The following LOXL4 variants were observed in gnomAD, a reference collection of about 807,000 sequenced individuals.
The protein encoded by LOXL4 is lysyl oxidase homolog 4.
In LOXL4, 72 loss-of-function variants were observed where a neutral mutation model predicts 89.1. The ratio of observed to expected loss-of-function variants is 0.81; its 90% CI spans 0.67 to 0.98. LOXL4 has a LOEUF of 0.98. Among genes scored for constraint, LOXL4 ranks in the 50% least tolerant of loss-of-function variants. LOXL4 has a pLI of 0.00. For synonymous variants in LOXL4, 355 were observed against 392.1 expected (o/e 0.91, Z 1.12); for missense variants, 984 against 1,017.5 (o/e 0.97, Z 0.45).
chr10:98,258,497 T>G (rs1476486985), intron 6 of LOXL4, among the ~76,000 whole-genome samples: 5 of 151,964 alleles, frequency 3.3e-5, no homozygotes, highest in African/African-American at 1.2e-4. Context: ...TATCTCAGTG[T>G]GGCACTAAGG....
At chr10:98,249,460 C>G (rs546643049) in intron 14 of LOXL4, among the ~76,000 whole-genome samples, 6 of 152,302 alleles carry the variant, frequency 3.9e-5, no homozygotes, top group African/African-American at 1.4e-4. Flanking sequence ...CTAGGTTCAC[C>G]CTCCTTCACA....
Position 98,262,838 on chromosome 10 carries a change from T to C in LOXL4, c.182A>G (p.Asn61Ser), listed in dbSNP as rs1317977540. The C allele has an allele frequency of 6.2e-7, 1 of 1,613,610 alleles. No individual in the cohort carries two copies. The highest frequency in any genetic ancestry group is 1.3e-5 in the African/African-American group (1 of 74,932). ...QGQWGTVCDD[N>S]FAIQEATVAC... is the part of the protein sequence containing the mutation. ...CACTGTGGCCTCCTGGATAGCAAAGTTGTCATCACACACGGTGCCCCACTG... is the reference window on the plus strand; with the variant it reads ...CACTGTGGCCTCCTGGATAGCAAAGCTGTCATCACACACGGTGCCCCACTG... The change falls in exon 2 of 15, where the codon AAC becomes AGC. Residue 61 changes from asparagine to serine, a missense_variant. By Grantham distance (46) the Asn-to-Ser change is conservative. Coordinates refer to ENST00000260702, the MANE Select transcript of LOXL4 (RefSeq NM_032211.7).
At chr10:98,251,357 T>A (rs7082202) in intron 13 of LOXL4, among the ~76,000 whole-genome samples, 181 bp from the exon 14 acceptor site, 27,474 of 152,274 alleles carry the variant, frequency 0.18, 2,649 homozygotes, top group Non-Finnish European at 0.2. Context: ...ACTGAGAAAC[T>A]GATTTATCCA....
intron 1 of LOXL4, among the ~76,000 whole-genome samples, chr10:98,267,752 G>A (rs147027363): frequency 7.2e-5 from 11 of 152,304 alleles, no homozygotes; most frequent in African/African-American, 2.4e-4. Flanking sequence ...GCCCAGATCA[G>A]CCCTGGTTCG....
chr10:98,251,605 C>G lies in LOXL4; in HGVS notation c.2049G>C (p.Val683=). The change falls in exon 13 of 15, where the codon GTG becomes GTC. Residue 683 remains valine (V), a synonymous_variant. Transcript: ENST00000260702. ...TCCCGGGGCCCACATCTGTGATATC[C>G]ACCCACTGGCAATCAATGTCATGCC... The part of the protein sequence containing the change: ...TYRHDIDCQW[V]DITDVGPGNY... The G allele has an allele frequency of 1.2e-6, 2 of 1,614,262 alleles. No individual in the cohort carries two copies. The highest frequency in any genetic ancestry group is 1.7e-6 in the Non-Finnish European group (2 of 1,180,052).
chr10:98,258,898 C>A (rs1456663586), intron 6 of LOXL4, 111 bp downstream of exon 6: 6 of 742,020 alleles, frequency 8.1e-6, no homozygotes, highest in African/African-American at 5.3e-5. Flanking sequence ...CTCCTCCTCC[C>A]AGTCTGGTTC....
intron 12 of LOXL4, 130 bp from the exon 13 acceptor site, chr10:98,251,832 T>G: frequency 8.8e-7 from 1 of 1,137,176 alleles, no homozygotes; most frequent in Non-Finnish European, 1.2e-6. Context: ...AGAATCCTGC[T>G]GTGAATCCAG....
At chr10:98,261,182 C>G (rs1858530672) in intron 3 of LOXL4, 55 bp from the exon 4 acceptor site, 2 of 1,566,584 alleles carry the variant, frequency 1.3e-6, no homozygotes, top group Admixed American at 1.7e-5. Context: ...TCCAGTGGAG[C>G]CTGCTGCAGA....
intron 10 of LOXL4, 130 bp from the exon 11 acceptor site, chr10:98,253,926 T>A: frequency 8.6e-7 from 1 of 1,168,872 alleles, no homozygotes; most frequent in Non-Finnish European, 1.2e-6. Flanking sequence ...AGGGCAGTTT[T>A]AAGAGTCAGG....
intron 14 of LOXL4, among the ~76,000 whole-genome samples, chr10:98,249,674 A>G (rs781751491): frequency 3.3e-5 from 5 of 152,134 alleles, no homozygotes; most frequent in Non-Finnish European, 5.9e-5. Flanking sequence ...TGGATCCTAA[A>G]CACTGGCAAG....
intron 2 of LOXL4, among the ~76,000 whole-genome samples, chr10:98,262,436 G>A (rs1858571460): frequency 6.6e-6 from 1 of 152,188 alleles, no homozygotes; most frequent in Admixed American, 6.5e-5. Flanking sequence ...AAAATGCCGG[G>A]TAGCTCTAGG....
intron 9 of LOXL4, 108 bp from the exon 10 acceptor site, chr10:98,255,847 C>G: frequency 7.4e-7 from 1 of 1,346,220 alleles, no homozygotes; most frequent in Admixed American, 2.3e-5. Flanking sequence ...TTGTGTCCAG[C>G]CTGGGCCTGA....
At chr10:98,267,403 T>C (rs1197592299) in intron 1 of LOXL4, among the ~76,000 whole-genome samples, 3 of 152,216 alleles carry the variant, frequency 2.0e-5, no homozygotes, top group African/African-American at 7.2e-5. Context: ...TGCTGGGACC[T>C]GGCCTGACCT....
chr10:98,253,831 G>T (rs1268126752), intron 10 of LOXL4, 35 bp from the exon 11 acceptor site: 5 of 1,611,694 alleles, frequency 3.1e-6, no homozygotes, highest in Non-Finnish European at 4.2e-6. Context: ...TGACTCAAAG[G>T]GTGGAAAGGC....
chr10:98,251,107 T>TG lies in LOXL4; in HGVS notation c.2157dup (p.Lys720GlnfsTer3), dbSNP rs1564754926. ...AGCCAGACCCGGTGCCCATCATACT[T>TG]GCAGCGGCACTGCAGCATATTGTTG... On this transcript the variant is annotated frameshift_variant, in exon 14 of 15. Coordinates refer to ENST00000260702, the MANE Select transcript of LOXL4 (RefSeq NM_032211.7). LOFTEE classifies it high-confidence loss of function. The TG allele has an allele frequency of 6.2e-7, 1 of 1,614,170 alleles. No individual in the cohort carries two copies. Among genetic ancestry groups the TG allele is most frequent in the Admixed American group, 1.7e-5 (1 of 60,014 alleles).
chr10:98,260,692 T>C (rs1465563800), intron 4 of LOXL4, among the ~76,000 whole-genome samples: 1 of 152,142 alleles, frequency 6.6e-6, no homozygotes, highest in African/African-American at 2.4e-5. Context: ...ACCTGCTGGA[T>C]GTCCTGCCAC....
Position 98,262,806 on chromosome 10 carries a change from G to T in LOXL4, c.214C>A (p.Arg72Ser), listed in dbSNP as rs775524314. The change falls in exon 2 of 15, where the codon CGC becomes AGC. Residue 72 changes from arginine (R) to serine (S), a missense_variant. Transcript: ENST00000260702. ...AAGGCAGCTTCGAAGCCCAGCTGGC[G>T]GCAAGCCACTGTGGCCTCCTGGATA... Reference protein sequence around the residue: ...FAIQEATVACRQLGFEAALTW... With the variant: ...FAIQEATVACSQLGFEAALTW... The T allele has an allele frequency of 6.2e-7, 1 of 1,613,408 alleles. No individual in the cohort carries two copies. Among genetic ancestry groups the T allele is most frequent in the African/African-American group, 1.3e-5 (1 of 75,042 alleles).
At position 98,256,769 on chromosome 10, in the gene LOXL4, G is replaced by GA; in HGVS notation, c.1428+10dup. Reference sequence around the variant, plus strand: ...GAGAGGTCATACGGAAGAAACAACAGAGGGACCTACCTTGTAGGCATGGAT... The same window carrying GA: ...GAGAGGTCATACGGAAGAAACAACAGAAGGGACCTACCTTGTAGGCATGGAT... On this transcript the variant is annotated intron_variant, in intron 9 of 14. Transcript: ENST00000260702. The GA allele has an allele frequency of 6.2e-7, 1 of 1,613,992 alleles. No individual in the cohort carries two copies. Among genetic ancestry groups the GA allele is most frequent in the Non-Finnish European group, 8.5e-7 (1 of 1,180,034 alleles).
At chr10:98,257,583 G>A in intron 8 of LOXL4, 67 bp downstream of exon 8, 1 of 1,537,268 alleles carries the variant, frequency 6.5e-7, no homozygotes, top group South Asian at 1.2e-5. Flanking sequence ...AGCTCGATGT[G>A]GTGTCCTGGG....
Sources: gnomAD v4.1 joint callset for allele counts (sites outside exome capture counted in the v4.1 genomes callset) on GRCh38, gnomAD v4.1.1 for gene constraint, MANE v1.5 for transcripts, NCBI Gene and HGNC (gene_info 2026-07-23, HGNC 2026-07-21) for gene names.